Variants in HECTD4 observed in about 807,000 individuals in gnomAD.
HECTD4 encodes HECT domain E3 ubiquitin protein ligase 4, also known as probable E3 ubiquitin-protein ligase HECTD4.
A neutral mutation model predicts 471.5 loss-of-function variants in HECTD4; 114 were observed. The ratio of observed to expected loss-of-function variants is 0.24; its 90% confidence interval spans 0.21 to 0.28. The LOEUF (loss-of-function observed/expected upper bound fraction) is 0.28. Among genes scored for constraint, HECTD4 ranks in the 10% least tolerant of loss-of-function variants. The pLI is 1.00. For missense variants in HECTD4, 3,866 were observed against 5,651.5 expected (o/e 0.68, Z 10.13); for synonymous variants, 2,012 against 2,256.0 (o/e 0.89, Z 3.07).
At chr12:112,210,441 GCCTC>G (rs772162085) in intron 49 of HECTD4, among the ~76,000 whole-genome samples, 189 bp from the exon 50 acceptor site, 2 of 152,158 alleles carry the variant, frequency 1.3e-5, no homozygotes, top group African/African-American at 4.8e-5. Flanking sequence ...AGCCAGCCCT[GCCTC>G]CCTGTCCCTC....
intron 9 of HECTD4, among the ~76,000 whole-genome samples, chr12:112,278,566 T>G (rs1052842559): frequency 6.6e-6 from 1 of 152,212 alleles, no homozygotes; most frequent in African/African-American, 2.4e-5. Context: ...TGTCCTAAAA[T>G]GGAGGTGTTT....
intron 1 of HECTD4, among the ~76,000 whole-genome samples, chr12:112,329,370 G>GTT (rs72342162): frequency 8.5e-4 from 111 of 131,082 alleles, no homozygotes; most frequent in African/African-American, 3.1e-3. Context: ...TGGGTTTTTT[G>GTT]TTTTTTTTTT....
At chr12:112,251,343 G>C (rs1390862317) in intron 23 of HECTD4, among the ~76,000 whole-genome samples, 4 of 152,248 alleles carry the variant, frequency 2.6e-5, no homozygotes, top group Non-Finnish European at 5.9e-5. Flanking sequence ...CATTTCTGGA[G>C]AGAAAATAGT....
At chr12:112,367,071 G>A (rs534171445) in intron 1 of HECTD4, among the ~76,000 whole-genome samples, 1 of 151,396 alleles carries the variant, frequency 6.6e-6, no homozygotes, top group African/African-American at 2.4e-5. Flanking sequence ...GGAAGCCGAG[G>A]CAAGCAGATT....
intron 7 of HECTD4, among the ~76,000 whole-genome samples, chr12:112,295,305 T>C (rs973195130): frequency 1.8e-4 from 28 of 151,636 alleles, no homozygotes; most frequent in African/African-American, 6.3e-4. Context: ...AAATATTTCA[T>C]ATAGAATGGT....
At position 112,193,410 on chromosome 12, in the gene HECTD4, T is replaced by G; in HGVS notation, c.8955+59A>C. The stretch of plus-strand genomic sequence containing the variant: ...AGGGGAGTCATTTTCAGCAAGCCAG[T>G]GAGACTCCCAGTTAAAAATGGTAAC... On this transcript the variant is annotated intron_variant, in intron 57 of 75. Coordinates refer to ENST00000682272, the MANE Select transcript of HECTD4 (RefSeq NM_001388303.1). This position sits in a 1 kb window ranked among gnomAD's most constrained non-coding sequence, Gnocchi z 5.2. The G allele has an allele frequency of 6.7e-7, 1 of 1,489,180 alleles. No homozygotes were observed. Among genetic ancestry groups the G allele is most frequent in the Non-Finnish European group, 9.2e-7 (1 of 1,087,440 alleles). 92.2% of individuals were successfully genotyped at this position (1,489,180 alleles called of 1,614,324 possible). A position where few individuals can be genotyped will look rare whatever the true frequency, so the allele number is the denominator to read the frequency against.
chr12:112,329,619 C>T (rs560676375), intron 1 of HECTD4, among the ~76,000 whole-genome samples: 1 of 152,108 alleles, frequency 6.6e-6, no homozygotes, highest in African/African-American at 2.4e-5. Flanking sequence ...CCGCCCACCT[C>T]GGCGTCCCAA....
At chr12:112,341,216 A>G (rs1319675226) in intron 1 of HECTD4, among the ~76,000 whole-genome samples, 1 of 152,186 alleles carries the variant, frequency 6.6e-6, no homozygotes, top group African/African-American at 2.4e-5. Context: ...GCCACCTGCT[A>G]GGGAACATAC....
At chr12:112,253,336 G>C (rs1325385492) in intron 22 of HECTD4, among the ~76,000 whole-genome samples, 1 of 151,924 alleles carries the variant, frequency 6.6e-6, no homozygotes, top group East Asian at 1.9e-4. Context: ...TGTTGGCCAG[G>C]CTGGTCTCAA....
At position 112,160,934 on chromosome 12, in the gene HECTD4, G is replaced by C. The variant is rs2030666094; in HGVS notation, c.*1453C>G. 6.6e-6 allele frequency: 1 copy of C among 152,134 alleles called. No individual in the cohort carries two copies. The highest frequency in any genetic ancestry group is 6.5e-5 in the Admixed American group (1 of 15,272). 9.4% of individuals were successfully genotyped at this position (152,134 alleles called of 1,614,324 possible). A position where few individuals can be genotyped will look rare whatever the true frequency, so the allele number is the denominator to read the frequency against. The stretch of plus-strand genomic sequence containing the variant: ...TAACCCTAGGTCGATTTCATCCTTA[G>C]GTCAGGGGATCCTTTCTATAATGGT... On this transcript the variant is annotated 3_prime_UTR_variant, in exon 76 of 76. Transcript: ENST00000682272.
At chr12:112,374,305 C>T (rs757098580) in intron 1 of HECTD4, among the ~76,000 whole-genome samples, 37 of 152,240 alleles carry the variant, frequency 2.4e-4, no homozygotes, top group Non-Finnish European at 4.6e-4. Context: ...CAGCCAGTGA[C>T]AGAGTGAGAA....
rs911102502 is a variant in HECTD4 at position 112,193,378 on chromosome 12, A to G, written c.8955+91T>C. ...GAAATCGAGAGGAATAGGGACTTGG[A>G]AGGGAAAGGGGAGTCATTTTCAGCA... On this transcript the variant is annotated intron_variant, in intron 57 of 75. Coordinates refer to ENST00000682272, the MANE Select transcript of HECTD4 (RefSeq NM_001388303.1). The surrounding 1 kb of genome is among the most constrained non-coding windows in gnomAD (Gnocchi z 5.2). 4.4e-6 allele frequency: 6 copies of G among 1,373,702 alleles called. No individual in the cohort carries two copies. The African/African-American group carries it at 8.7e-5, about 20-fold the overall frequency. The allele number at this position is 1,373,702 out of a possible 1,614,324, so 85.1% of individuals were successfully genotyped here.
intron 13 of HECTD4, among the ~76,000 whole-genome samples, chr12:112,268,475 G>A (rs1205890093): frequency 6.6e-6 from 1 of 152,162 alleles, no homozygotes; most frequent in Non-Finnish European, 1.5e-5. Flanking sequence ...GTTTGCTGAG[G>A]CCAGGCGTGG....
chr12:112,190,643 C>T (rs2032046069), intron 60 of HECTD4, 143 bp downstream of exon 60: 20 of 652,218 alleles, frequency 3.1e-5, no homozygotes, highest in Non-Finnish European at 4.2e-5. Context: ...AAGCCCACTT[C>T]AAATGACAGC....
At chr12:112,181,958 G>A (rs966755893) in intron 62 of HECTD4, among the ~76,000 whole-genome samples, 2 of 152,184 alleles carry the variant, frequency 1.3e-5, no homozygotes, top group Middle Eastern at 3.4e-3. Flanking sequence ...TGGGTATGGC[G>A]GCGTGCACCT....
chr12:112,176,831 G>C, intron 64 of HECTD4, 129 bp from the exon 65 acceptor site: 1 of 729,680 alleles, frequency 1.4e-6, no homozygotes. Flanking sequence ...AGATAGGGCG[G>C]GGGCGTTCAA....
intron 45 of HECTD4, among the ~76,000 whole-genome samples, chr12:112,218,796 A>G (rs1265247423): frequency 6.6e-6 from 1 of 151,820 alleles, no homozygotes; most frequent in Admixed American, 6.6e-5. Context: ...GTGCAGTGGC[A>G]CAATCTCAGC....
At chr12:112,311,573 T>C (rs1180273487) in intron 4 of HECTD4, among the ~76,000 whole-genome samples, 2 of 148,674 alleles carry the variant, frequency 1.3e-5, no homozygotes, top group Non-Finnish European at 3.0e-5. Context: ...GCAGTTGTGA[T>C]TGCACCACTG....
At chr12:112,350,360 C>G (rs1451622982) in intron 1 of HECTD4, among the ~76,000 whole-genome samples, 1 of 152,158 alleles carries the variant, frequency 6.6e-6, no homozygotes, top group Non-Finnish European at 1.5e-5. Flanking sequence ...TCTGGGGAAA[C>G]AGTATGTGTT....
Sources: gnomAD v4.1 joint callset for allele counts (sites outside exome capture counted in the v4.1 genomes callset) on GRCh38, gnomAD v4.1.1 for gene constraint, Gnocchi (gnomAD v3.1) non-coding constraint, MANE v1.5 for transcripts, NCBI Gene and HGNC (gene_info 2026-07-23, HGNC 2026-07-21) for gene names.